ZNF383: variants seen among roughly 807,000 people sequenced by gnomAD.
ZNF383 encodes zinc finger protein 383.
ZNF383 carries 32 observed loss-of-function variants against 44.2 expected under a neutral mutation model. That is an observed-to-expected ratio of 0.72 (90% CI 0.55 to 0.97). The LOEUF is 0.97. Among genes scored for constraint, ZNF383 ranks in the 50% least tolerant of loss-of-function variants. ZNF383 has a pLI of 0.00. For missense variants in ZNF383, 487 were observed against 562.5 expected (o/e 0.87, Z 1.36); for synonymous variants, 155 against 186.2 (o/e 0.83, Z 1.36).
intron 1 of ZNF383, among the ~76,000 whole-genome samples, chr19:37,220,920 CCTTT>C (rs1972891776): frequency 6.6e-6 from 1 of 152,094 alleles, no homozygotes; most frequent in Non-Finnish European, 1.5e-5. Flanking sequence ...TTGAGTCTTG[CCTTT>C]CTTATAAAAT....
intron 5 of ZNF383, among the ~76,000 whole-genome samples, chr19:37,238,826 C>CT (rs1973946245): frequency 1.3e-5 from 2 of 152,290 alleles, no homozygotes; most frequent in African/African-American, 4.8e-5. Flanking sequence ...ATCATGTTTG[C>CT]AAAGGATCAT....
intron 2 of ZNF383, 94 bp from the exon 3 acceptor site, chr19:37,230,315 G>T: frequency 1.3e-6 from 1 of 797,660 alleles, no homozygotes; most frequent in Non-Finnish European, 2.1e-6. Context: ...TCAAGACCAA[G>T]AAATATGGAG....
At position 37,243,163 on chromosome 19, in the gene ZNF383, C is replaced by T. The variant is rs764839086; in HGVS notation, c.927C>T (p.Pro309=). ...CACGAATTCATACAGGTGAGAAACC[C>T]TATGAATGTAAGGAATGTGGCAAAG... ...QHARIHTGEK[P]YECKECGKAF... The change falls in exon 6 of 6, where the codon CCC becomes CCT. Residue 309 remains proline (P), a synonymous_variant. Transcript: ENST00000684119. The T allele has an allele frequency of 1.2e-6, 2 of 1,614,076 alleles. No individual in the cohort carries two copies. The highest frequency in any genetic ancestry group is 1.7e-6 in the Non-Finnish European group (2 of 1,180,012).
At chr19:37,239,465 A>G (rs942125653) in intron 5 of ZNF383, among the ~76,000 whole-genome samples, 10 of 152,190 alleles carry the variant, frequency 6.6e-5, no homozygotes, top group African/African-American at 2.4e-4. Flanking sequence ...TTAATGTTTT[A>G]CTAGAGAAGA....
rs555473132 is a variant in ZNF383, at chr19:37,222,165, CT to C, written c.-167-2644del. Among the ~76,000 whole-genome samples the C allele has an allele frequency of 2.3e-4, 34 of 150,030 alleles. No individual in the cohort carries two copies. The East Asian group carries it at 5.9e-3, about 26-fold the overall frequency. Reference sequence around the variant, plus strand: ...TTTTGCTTGGCTTCTTTTTTTTTCACTTTTTTTTTCCTACTGTCAGTTTCAC... The same window carrying C: ...TTTTGCTTGGCTTCTTTTTTTTTCACTTTTTTTTCCTACTGTCAGTTTCAC... On this transcript the variant is annotated intron_variant, in intron 1 of 5. Transcript: ENST00000684119.
At chr19:37,240,869 C>T (rs776872541) in intron 5 of ZNF383, among the ~76,000 whole-genome samples, 6 of 152,120 alleles carry the variant, frequency 3.9e-5, no homozygotes, top group Non-Finnish European at 8.8e-5. Context: ...TGCAGTGGTG[C>T]GATCTCAGCT....
Position 37,243,044 on chromosome 19 carries a change from A to G in ZNF383, c.808A>G (p.Ile270Val). ...GKAFSYCSNL[I>V]DHQRIHTGEK... ...GGCCTTTAGTTATTGCTCAAATCTTATTGACCATCAGCGAATTCACACTGG... is the reference window on the plus strand; with the variant it reads ...GGCCTTTAGTTATTGCTCAAATCTTGTTGACCATCAGCGAATTCACACTGG... Residue 270 changes from isoleucine to valine, a missense_variant, in exon 6 of 6, where the codon ATT (isoleucine) becomes GTT (valine). Coordinates refer to ENST00000684119, the MANE Select transcript of ZNF383 (RefSeq NM_001387601.1). The G allele has an allele frequency of 6.2e-7, 1 of 1,613,638 alleles. No homozygotes were observed. The highest frequency in any genetic ancestry group is 8.5e-7 in the Non-Finnish European group (1 of 1,179,896).
intron 5 of ZNF383, among the ~76,000 whole-genome samples, chr19:37,240,642 A>G (rs1369069604): frequency 1.3e-5 from 2 of 152,220 alleles, no homozygotes; most frequent in South Asian, 2.1e-4. Context: ...CCCTAAGATC[A>G]GCATCTCAAA....
chr19:37,218,630 T>A (rs1972783090), intron 1 of ZNF383, among the ~76,000 whole-genome samples: 1 of 152,078 alleles, frequency 6.6e-6, no homozygotes, highest in Non-Finnish European at 1.5e-5. Context: ...GACTGTGTGT[T>A]AGTCTGAGGG....
intron 2 of ZNF383, among the ~76,000 whole-genome samples, chr19:37,228,276 T>G (rs1973283879): frequency 6.6e-6 from 1 of 152,152 alleles, no homozygotes; most frequent in Admixed American, 6.5e-5. Context: ...TTTGGTCACT[T>G]TTTATCGTGT....
chr19:37,236,131 C>T (rs1450895638), intron 5 of ZNF383, 57 bp downstream of exon 5: 2 of 1,407,798 alleles, frequency 1.4e-6, no homozygotes, highest in African/African-American at 1.4e-5. Flanking sequence ...CTCAGCTGGT[C>T]AGGGAGGAAA....
rs751811198 is a variant in ZNF383, at chr19:37,243,631, C to T, written c.1395C>T (p.Leu465=). 6.4e-7 allele frequency: 1 copy of T among 1,567,936 alleles called. No homozygotes were observed. The highest frequency in any genetic ancestry group is 1.2e-5 in the South Asian group (1 of 84,270). Residue 465 remains leucine, a synonymous_variant, in exon 6 of 6, where the codon CTC becomes CTT. Transcript: ENST00000684119. ...AGGCTTTTAGTAGTGGCTCGGATCTCATTCGTCATCAGGGAATTCATACTA... is the reference window on the plus strand; with the variant it reads ...AGGCTTTTAGTAGTGGCTCGGATCTTATTCGTCATCAGGGAATTCATACTA... ...CGKAFSSGSD[L]IRHQGIHTNK is the part of the protein sequence containing the mutation.
chr19:37,235,412 A>G (rs891083332), intron 3 of ZNF383, 137 bp from the exon 4 acceptor site: 70 of 823,856 alleles, frequency 8.5e-5, no homozygotes, highest in African/African-American at 4.3e-4. Context: ...TCTTGCATCT[A>G]TTTCTGAAAT....
At chr19:37,237,262 A>G (rs1973860261) in intron 5 of ZNF383, among the ~76,000 whole-genome samples, 2 of 152,340 alleles carry the variant, frequency 1.3e-5, no homozygotes, top group South Asian at 2.1e-4. Context: ...TAAGGAGTTT[A>G]GCAGAAAGTC....
At chr19:37,236,182 A>G (rs1973780866) in intron 5 of ZNF383, 108 bp downstream of exon 5, 1 of 747,394 alleles carries the variant, frequency 1.3e-6, no homozygotes, top group Admixed American at 2.7e-5. Context: ...CCCATCAAGA[A>G]ACTAGGCCAG....
intron 5 of ZNF383, among the ~76,000 whole-genome samples, chr19:37,241,130 G>C (rs930496432): frequency 6.6e-6 from 1 of 152,120 alleles, no homozygotes; most frequent in East Asian, 1.9e-4. Flanking sequence ...TGTATCCACT[G>C]TATCCTTTAT....
chr19:37,226,302 A>G lies in ZNF383; in HGVS notation c.-46+1363A>G, dbSNP rs112526671. Among the ~76,000 whole-genome samples, 22 of 152,242 alleles carry G rather than the reference A, an allele frequency of 1.4e-4. 2 individuals are homozygous for G. Among genetic ancestry groups the G allele is most frequent in the African/African-American group, 5.3e-4 (22 of 41,546 alleles). The stretch of plus-strand genomic sequence containing the variant: ...ACGTATGGTCTCCCCCATCATCAAC[A>G]TCCTCCACCAGAGTGGTACATTTAT... On this transcript the variant is annotated intron_variant, in intron 2 of 5. Coordinates refer to ENST00000684119, the MANE Select transcript of ZNF383 (RefSeq NM_001387601.1).
At chr19:37,240,745 G>A (rs954196113) in intron 5 of ZNF383, among the ~76,000 whole-genome samples, 4 of 152,124 alleles carry the variant, frequency 2.6e-5, no homozygotes, top group East Asian at 1.9e-4. Context: ...CATCAAATTA[G>A]TTCAATACAT....
chr19:37,224,908 T>TGA lies in ZNF383; in HGVS notation c.-76_-75insAG, dbSNP rs1973087758. 1 of 152,470 alleles carries TGA rather than the reference T, an allele frequency of 6.6e-6. No homozygotes were observed. Among genetic ancestry groups the TGA allele is most frequent in the African/African-American group, 2.4e-5 (1 of 41,374 alleles). 9.4% of individuals were successfully genotyped at this position (152,470 alleles called of 1,614,324 possible). On this transcript the variant is annotated 5_prime_UTR_variant, in exon 2 of 6. It removes the in-frame stop codon of an upstream open reading frame in the 5' UTR. Transcript: ENST00000684119. ...GCTTTCCGGGTTCAAGCGATTCTCTTGCCTCAGCCTCCTGAGTAGCTGGGA... is the reference window on the plus strand; with the variant it reads ...GCTTTCCGGGTTCAAGCGATTCTCTTGAGCCTCAGCCTCCTGAGTAGCTGGGA...
Sources: gnomAD v4.1 joint callset for allele counts (sites outside exome capture counted in the v4.1 genomes callset) on GRCh38, gnomAD v4.1.1 for gene constraint, MANE v1.5 for transcripts, NCBI Gene and HGNC (gene_info 2026-07-23, HGNC 2026-07-21) for gene names.